Variants in MINAR2 observed in about 807,000 individuals in gnomAD.
MINAR2 encodes membrane integral NOTCH2 associated receptor 2.
MINAR2 carries 21 observed loss-of-function variants against 16.1 expected under a neutral mutation model. The observed-to-expected ratio is 1.31, with a 90% CI of 0.93 to 1.88. MINAR2 has a LOEUF of 1.88. Ranked by LOEUF, MINAR2 falls within the 40% of genes most tolerant of loss-of-function variation. MINAR2 has a pLI of 0.00. For synonymous variants in MINAR2, 86 were observed against 83.0 expected, an observed-to-expected ratio of 1.04 and a Z score of -0.20; for missense variants, 259 against 229.8, an observed-to-expected ratio of 1.13 and a Z score of -0.82.
rs957287433 is a variant in MINAR2, at chr5:129,765,145, CA to C, written c.*89del. On this transcript the variant is annotated 3_prime_UTR_variant, in exon 3 of 3. Coordinates refer to ENST00000564719, the MANE Select transcript of MINAR2 (RefSeq NM_001257308.2). ...TTTGAAACCCCCCCCACCAAAATAACAAAAAAACACATGTACATGCAGTGTG... is the reference window on the plus strand; with the variant it reads ...TTTGAAACCCCCCCCACCAAAATAACAAAAAACACATGTACATGCAGTGTG... The C allele has an allele frequency of 1.3e-6, 1 of 742,578 alleles. No homozygotes were observed. The highest frequency in any genetic ancestry group is 1.9e-6 in the Non-Finnish European group (1 of 531,458). 46.0% of individuals were successfully genotyped at this position (742,578 alleles called of 1,614,324 possible).
chr5:129,749,438 A>C (rs1273471456), intron 1 of MINAR2, among the ~76,000 whole-genome samples: 1 of 152,112 alleles, frequency 6.6e-6, no homozygotes, highest in Non-Finnish European at 1.5e-5. Flanking sequence ...ATTTTAATTT[A>C]TTTCCATTGT....
chr5:129,758,604 C>T (rs1326368651), intron 1 of MINAR2, among the ~76,000 whole-genome samples: 1 of 151,570 alleles, frequency 6.6e-6, no homozygotes, highest in Admixed American at 6.6e-5. Flanking sequence ...CTTGATCTCC[C>T]CAAAACTGTA....
At chr5:129,757,075 T>C (rs939628044) in intron 1 of MINAR2, among the ~76,000 whole-genome samples, 2 of 149,582 alleles carry the variant, frequency 1.3e-5, no homozygotes, top group East Asian at 3.9e-4. Flanking sequence ...AATATATATA[T>C]ATATATATCT....
rs1286214368 is a variant in MINAR2, at chr5:129,765,750, C to T, written c.*687C>T. On this transcript the variant is annotated 3_prime_UTR_variant, in exon 3 of 3. Coordinates refer to ENST00000564719, the MANE Select transcript of MINAR2 (RefSeq NM_001257308.2). Reference sequence around the variant, plus strand: ...GTTACATAATTAATTACATTTAGATCCAATTTATCCAAATTGGCTGTGACC... The same window carrying T: ...GTTACATAATTAATTACATTTAGATTCAATTTATCCAAATTGGCTGTGACC... 1 of 152,062 alleles carries T rather than the reference C, an allele frequency of 6.6e-6. No individual in the cohort carries two copies. 9.4% of individuals were successfully genotyped at this position (152,062 alleles called of 1,614,324 possible).
At chr5:129,756,081 T>C (rs1758050781) in intron 1 of MINAR2, among the ~76,000 whole-genome samples, 1 of 152,076 alleles carries the variant, frequency 6.6e-6, no homozygotes, top group East Asian at 1.9e-4. Context: ...TTTTTAAATG[T>C]CAGCAGAATG....
In MINAR2 at chr5:129,766,265, A is replaced by T. The variant is rs1422914870; in HGVS notation, c.*1202A>T. ...GACTTTCTCTTCTTCTCATGAGCCT[A>T]AAGTCAGATTTTGTCCCTTGATATT... On this transcript the variant is annotated 3_prime_UTR_variant, in exon 3 of 3. Coordinates refer to ENST00000564719, the MANE Select transcript of MINAR2 (RefSeq NM_001257308.2). 6.6e-6 allele frequency: 1 copy of T among 152,224 alleles called. No individual in the cohort carries two copies. Among genetic ancestry groups the T allele is most frequent in the East Asian group, 1.9e-4 (1 of 5,186 alleles). 9.4% of individuals were successfully genotyped at this position (152,224 alleles called of 1,614,324 possible).
Position 129,760,597 on chromosome 5 carries a change from C to T in MINAR2, c.385C>T (p.His129Tyr). ...TTCCCTGCACACAAACCTCTCTGGA[C>T]ATCTGAAGGTACTCACGACTAAGAG... ...KHSLHTNLSG[H>Y]LKENPNDLRF... The change falls in exon 2 of 3, where the codon CAT becomes TAT. Residue 129 changes from histidine to tyrosine, a missense_variant. Transcript: ENST00000564719. The T allele has an allele frequency of 6.5e-7, 1 of 1,533,990 alleles. No individual in the cohort carries two copies.
intron 1 of MINAR2, among the ~76,000 whole-genome samples, chr5:129,754,108 C>A (rs561716845): frequency 6.6e-6 from 1 of 152,150 alleles, no homozygotes; most frequent in Admixed American, 6.5e-5. Context: ...GGCATGAAAG[C>A]CTATATTAAA....
chr5:129,756,030 C>A (rs562605672), intron 1 of MINAR2, among the ~76,000 whole-genome samples: 2 of 151,980 alleles, frequency 1.3e-5, no homozygotes, highest in South Asian at 4.2e-4. Context: ...TTCATTCTGT[C>A]CTAAATTTTA....
At chr5:129,756,681 T>C (rs944269252) in intron 1 of MINAR2, among the ~76,000 whole-genome samples, 1 of 152,138 alleles carries the variant, frequency 6.6e-6, no homozygotes, top group Non-Finnish European at 1.5e-5. Flanking sequence ...AAATTACATG[T>C]ATAAATTTCT....
Position 129,764,180 on chromosome 5 carries a change from T to TG in MINAR2, c.394-703dup, listed in dbSNP as rs534787075. 2.9e-3 allele frequency among the ~76,000 whole-genome samples: 440 copies of TG among 152,256 alleles called. 5 individuals are homozygous for TG. Among genetic ancestry groups the TG allele is most frequent in the African/African-American group, 0.01 (417 of 41,566 alleles). On this transcript the variant is annotated intron_variant, in intron 2 of 2. Transcript: ENST00000564719. ...GGTTGACTTGATAATTCTATGGGCC[T>TG]GAAGGAAAGATGAAGTCTGTGAAAG...
intron 1 of MINAR2, among the ~76,000 whole-genome samples, chr5:129,752,255 A>G (rs900524388): frequency 7.9e-5 from 12 of 152,212 alleles, no homozygotes; most frequent in Admixed American, 7.9e-4. Context: ...TCATTCTACT[A>G]TAAAGACACA....
chr5:129,765,770 G>A lies in MINAR2; in HGVS notation c.*707G>A, dbSNP rs551031609. On this transcript the variant is annotated 3_prime_UTR_variant, in exon 3 of 3. Coordinates refer to ENST00000564719, the MANE Select transcript of MINAR2 (RefSeq NM_001257308.2). The stretch of plus-strand genomic sequence containing the variant: ...TAGATCCAATTTATCCAAATTGGCT[G>A]TGACCCCTGGTGGCAGTCAGTGTGC... The A allele has an allele frequency of 7.5e-4, 114 of 152,282 alleles. No individual in the cohort carries two copies. Among genetic ancestry groups the A allele is most frequent in the African/African-American group, 2.7e-3 (111 of 41,560 alleles). The allele number at this position is 152,282 out of a possible 1,614,324, so 9.4% of individuals were successfully genotyped here.
At chr5:129,754,798 A>AT (rs1758035000) in intron 1 of MINAR2, among the ~76,000 whole-genome samples, 1 of 152,158 alleles carries the variant, frequency 6.6e-6, no homozygotes, top group Non-Finnish European at 1.5e-5. Context: ...TAATCATGTC[A>AT]TCTGCTATTT....
Position 129,756,913 on chromosome 5 carries a change from G to A in MINAR2, c.166-3465G>A, listed in dbSNP as rs1758060524. 2.4e-5 allele frequency among the ~76,000 whole-genome samples: 3 copies of A among 123,392 alleles called. No homozygotes were observed. The South Asian group carries it at 7.8e-4, about 32-fold the overall frequency. 80.9% of individuals were successfully genotyped at this position (123,392 alleles called of 152,430 possible). On this transcript the variant is annotated intron_variant, in intron 1 of 2. Coordinates refer to ENST00000564719, the MANE Select transcript of MINAR2 (RefSeq NM_001257308.2). ...TTGAGTTTCATTAGGTTTGCTGAGT[G>A]TCTAGTAAGGCTTTCCACAGTAAAA...
Position 129,765,060 on chromosome 5 carries a change from C to T in MINAR2, c.570C>T (p.Thr190=). The T allele has an allele frequency of 3.1e-6, 4 of 1,277,666 alleles. No individual in the cohort carries two copies. The highest frequency in any genetic ancestry group is 4.0e-6 in the Non-Finnish European group (4 of 1,009,362). The allele number at this position is 1,277,666 out of a possible 1,614,324, so 79.1% of individuals were successfully genotyped here. The change falls in exon 3 of 3, where the codon ACC becomes ACT. Residue 190 remains threonine, a synonymous_variant. Transcript: ENST00000564719. ...TAGTGACTATCATTACTTTTTTCAC[C>T]TGAGGAAACTGCAACAATCAGAGCT... ...VTIVTIITFF[T]
chr5:129,756,255 C>A (rs527420020), intron 1 of MINAR2, among the ~76,000 whole-genome samples: 74 of 151,824 alleles, frequency 4.9e-4, no homozygotes, highest in African/African-American at 1.0e-3. Flanking sequence ...TAAGTATTTT[C>A]AATTGTTTAA....
intron 2 of MINAR2, among the ~76,000 whole-genome samples, chr5:129,764,158 T>G (rs908405639): frequency 3.9e-5 from 6 of 152,206 alleles, no homozygotes; most frequent in Non-Finnish European, 8.8e-5. Context: ...GAGATCAGGT[T>G]GACTTGATAA....
Position 129,755,362 on chromosome 5 carries a change from G to C in MINAR2, c.166-5016G>C, listed in dbSNP as rs201011451. 2.0e-5 allele frequency among the ~76,000 whole-genome samples: 3 copies of C among 152,060 alleles called. No individual in the cohort carries two copies. In the East Asian group the frequency reaches 5.8e-4, roughly 29 times the overall value. ...TAACTTCAAAAGTGAGCTGGGGATT[G>C]TTCCTTTTCCTATTTTCTGGAAGAA... is the stretch of plus-strand genomic sequence containing the variant. On this transcript the variant is annotated intron_variant, in intron 1 of 2. Transcript: ENST00000564719.
Sources: allele counts gnomAD v4.1 joint callset (sites outside exome capture counted in the v4.1 genomes callset), GRCh38; gene constraint gnomAD v4.1.1; transcripts MANE v1.5; gene names NCBI Gene and HGNC (gene_info 2026-07-23, HGNC 2026-07-21).